Variants in UBE2D4 observed in about 807,000 individuals in gnomAD.
UBE2D4 encodes ubiquitin conjugating enzyme E2 D4, also known as ubiquitin-conjugating enzyme E2 D4.
A neutral mutation model predicts 23.0 loss-of-function variants in UBE2D4; 17 were observed. The observed-to-expected ratio is 0.74, with a 90% confidence interval of 0.51 to 1.11. The LOEUF is 1.11. UBE2D4 is among the 50% of genes least tolerant of loss of function. The pLI, the probability that UBE2D4 is intolerant of heterozygous loss-of-function variation, is 0.00. For synonymous variants in UBE2D4, 61 were observed against 69.4 expected (o/e 0.88, Z 0.60); for missense variants, 139 against 181.8 (o/e 0.76, Z 1.35).
intron 6 of UBE2D4, 158 bp from the exon 7 acceptor site, chr7:43,952,492 G>T: frequency 1.5e-6 from 1 of 686,556 alleles, no homozygotes; most frequent in East Asian, 2.6e-5. Context: ...ATGTGCTCCT[G>T]CTCCAGGGAA....
chr7:43,932,147 A>G (rs2095947225), intron 1 of UBE2D4, among the ~76,000 whole-genome samples: 1 of 149,824 alleles, frequency 6.7e-6, no homozygotes, highest in African/African-American at 2.5e-5. Flanking sequence ...CTGCCACCAC[A>G]CCCAGCTAAT....
At chr7:43,935,416 A>T (rs1488983548) in intron 1 of UBE2D4, among the ~76,000 whole-genome samples, 1 of 152,328 alleles carries the variant, frequency 6.6e-6, no homozygotes, top group East Asian at 1.9e-4. Flanking sequence ...ATACCATAAA[A>T]GACCTAATTC....
In UBE2D4 at chr7:43,948,745, T is replaced by C. The variant is rs1457504787; in HGVS notation, c.304+8T>C. ...CGTTGACTGTGTCAAAAGGTAGAGA[T>C]GCTGATGGCATGCTCTGTGTGCTCT... On this transcript the variant is annotated splice_region_variant and intron_variant, in intron 5 of 6. Transcript: ENST00000222402. 2 of 1,589,184 alleles carry C rather than the reference T, an allele frequency of 1.3e-6. No individual in the cohort carries two copies. The highest frequency in any genetic ancestry group is 1.7e-6 in the Non-Finnish European group (2 of 1,157,822).
intron 1 of UBE2D4, among the ~76,000 whole-genome samples, chr7:43,930,461 T>TA (rs1248511476): frequency 6.6e-6 from 1 of 152,166 alleles, no homozygotes; most frequent in Non-Finnish European, 1.5e-5. Context: ...GTTAGTTAGT[T>TA]AGTTAGTTTT....
Position 43,954,090 on chromosome 7 carries a change from A to T in UBE2D4, c.*1395A>T, listed in dbSNP as rs1461375470. 2 of 152,110 alleles carry T rather than the reference A, an allele frequency of 1.3e-5. No individual in the cohort carries two copies. The highest frequency in any genetic ancestry group is 2.9e-5 in the Non-Finnish European group (2 of 68,020). 9.4% of individuals were successfully genotyped at this position (152,110 alleles called of 1,614,324 possible). ...TTTATTGCCAGATATTTTCCCACTG[A>T]GAATACTGAGGTTATTCACATAATC... On this transcript the variant is annotated 3_prime_UTR_variant, in exon 7 of 7. Transcript: ENST00000222402.
chr7:43,931,156 G>A (rs7808105), intron 1 of UBE2D4, among the ~76,000 whole-genome samples: 1 of 152,060 alleles, frequency 6.6e-6, no homozygotes, highest in African/African-American at 2.4e-5. Flanking sequence ...ATACCTGAAG[G>A]CTGGATGAGG....
Position 43,953,853 on chromosome 7 carries a change from TA to T in UBE2D4, c.*1159del, listed in dbSNP as rs951550720. ...AAAGCCAAATTCAACCTGATCTTTC[TA>T]GGTTGGTTATAAAGCTGGTCCACTT... is the stretch of plus-strand genomic sequence containing the variant. On this transcript the variant is annotated 3_prime_UTR_variant, in exon 7 of 7. Transcript: ENST00000222402. 2.0e-5 allele frequency: 3 copies of T among 152,522 alleles called. No individual in the cohort carries two copies. The highest frequency in any genetic ancestry group is 7.2e-5 in the African/African-American group (3 of 41,450). 9.4% of individuals were successfully genotyped at this position (152,522 alleles called of 1,614,324 possible).
At chr7:43,934,061 G>A (rs867264419) in intron 1 of UBE2D4, among the ~76,000 whole-genome samples, 18 of 152,204 alleles carry the variant, frequency 1.2e-4, no homozygotes, top group African/African-American at 4.1e-4. Context: ...ACAGGACAAC[G>A]ACGAGTAAAT....
At position 43,955,382 on chromosome 7, in the gene UBE2D4, C is replaced by A. The variant is rs1243624941; in HGVS notation, c.*2687C>A. 2.7e-4 allele frequency: 41 copies of A among 152,204 alleles called. No homozygotes were observed. The highest frequency in any genetic ancestry group is 2.9e-5 in the Non-Finnish European group (2 of 68,044). 9.4% of individuals were successfully genotyped at this position (152,204 alleles called of 1,614,324 possible). A position where few individuals can be genotyped will look rare whatever the true frequency, so the allele number is the denominator to read the frequency against. The stretch of plus-strand genomic sequence containing the variant: ...GAAAAAATGACCATTAGCTCTCCCC[C>A]AGAAGCGTCTGTGTTTGCTGAATGG... On this transcript the variant is annotated 3_prime_UTR_variant, in exon 7 of 7. Transcript: ENST00000222402.
chr7:43,952,950 A>C lies in UBE2D4; in HGVS notation c.*255A>C. The C allele has an allele frequency of 2.3e-6, 1 of 440,132 alleles. No homozygotes were observed. 27.3% of individuals were successfully genotyped at this position (440,132 alleles called of 1,614,324 possible). A position where few individuals can be genotyped will look rare whatever the true frequency, so the allele number is the denominator to read the frequency against. ...CTGCAGTCTTCCTGGTGACACTGGA[A>C]TCTCTCTCTCTGCCGCCTCAGTTTG... On this transcript the variant is annotated 3_prime_UTR_variant, in exon 7 of 7. Coordinates refer to ENST00000222402, the MANE Select transcript of UBE2D4 (RefSeq NM_015983.4).
At chr7:43,940,344 A>C (rs994908238) in intron 2 of UBE2D4, among the ~76,000 whole-genome samples, 1 of 152,194 alleles carries the variant, frequency 6.6e-6, no homozygotes, top group African/African-American at 2.4e-5. Context: ...CAAGCACCCC[A>C]GGTCTCCATA....
At chr7:43,951,207 T>C (rs964042531) in intron 6 of UBE2D4, among the ~76,000 whole-genome samples, 6 of 152,308 alleles carry the variant, frequency 3.9e-5, no homozygotes, top group Admixed American at 6.5e-5. Context: ...GCTCTCTGTT[T>C]AAACACCAAT....
In UBE2D4 at chr7:43,954,222, T is replaced by C. The variant is rs553541236; in HGVS notation, c.*1527T>C. The C allele has an allele frequency of 5.3e-5, 8 of 151,732 alleles. No homozygotes were observed. Among genetic ancestry groups the C allele is most frequent in the Non-Finnish European group, 1.0e-4 (7 of 67,982 alleles). 9.4% of individuals were successfully genotyped at this position (151,732 alleles called of 1,614,324 possible). ...CCATAAGGCCCCTTTTGGGGTTCTT[T>C]GGGTGTGGCTGCATCTCACCATGTT... On this transcript the variant is annotated 3_prime_UTR_variant, in exon 7 of 7. Transcript: ENST00000222402.
intron 1 of UBE2D4, among the ~76,000 whole-genome samples, chr7:43,930,933 G>C (rs536336809): frequency 6.6e-4 from 101 of 151,940 alleles, no homozygotes; most frequent in Non-Finnish European, 1.4e-3. Context: ...GTTAGGTCCT[G>C]GTCAACATGG....
At chr7:43,949,623 G>T (rs558447602) in intron 5 of UBE2D4, among the ~76,000 whole-genome samples, 2 of 152,322 alleles carry the variant, frequency 1.3e-5, no homozygotes, top group South Asian at 4.1e-4. Flanking sequence ...AATCCAGTTT[G>T]TTTGGAATCA....
intron 1 of UBE2D4, among the ~76,000 whole-genome samples, chr7:43,929,346 G>A (rs957634657): frequency 2.6e-5 from 4 of 151,302 alleles, no homozygotes; most frequent in Non-Finnish European, 5.9e-5. Flanking sequence ...AGAATTGCTT[G>A]AACCCAGGAG....
intron 1 of UBE2D4, among the ~76,000 whole-genome samples, chr7:43,931,627 T>C: frequency 9.4e-6 from 1 of 106,636 alleles, no homozygotes; most frequent in South Asian, 3.7e-4. Flanking sequence ...GCGGGGGGGG[T>C]GGCAGAGCAG....
chr7:43,931,279 A>G (rs1327719615), intron 1 of UBE2D4, among the ~76,000 whole-genome samples: 3 of 152,156 alleles, frequency 2.0e-5, no homozygotes, highest in Admixed American at 6.5e-5. Context: ...TCTACCAAAA[A>G]TAGAAAAAAT....
At chr7:43,945,004 ATTTT>A (rs1041418687) in intron 4 of UBE2D4, 3 of 152,022 alleles carry the variant, frequency 2.0e-5, no homozygotes, top group Non-Finnish European at 4.4e-5. Context: ...TATTATTATT[ATTTT>A]TGAGACACGG....
Sources: allele counts gnomAD v4.1 joint callset (sites outside exome capture counted in the v4.1 genomes callset), GRCh38; gene constraint gnomAD v4.1.1; transcripts MANE v1.5; gene names NCBI Gene and HGNC (gene_info 2026-07-23, HGNC 2026-07-21).